NR6A1: variants seen among roughly 807,000 people sequenced by gnomAD.
NR6A1 encodes nuclear receptor subfamily 6 group A member 1.
NR6A1 carries 7 observed loss-of-function variants against 59.1 expected under a neutral mutation model. That is an observed-to-expected ratio of 0.12 (90% confidence interval 0.07 to 0.22). The LOEUF is 0.22. NR6A1 is among the 10% of genes least tolerant of loss of function. The pLI is 1.00. For synonymous variants in NR6A1, 243 were observed against 236.1 expected, an observed-to-expected ratio of 1.03 and a Z score of -0.27; for missense variants, 468 against 611.6, an observed-to-expected ratio of 0.77 and a Z score of 2.48.
At chr9:124,554,643 G>C in intron 2 of NR6A1, 73 bp from the exon 3 acceptor site, 1 of 1,587,124 alleles carries the variant, frequency 6.3e-7, no homozygotes, top group Non-Finnish European at 8.6e-7. Context: ...GAGCAACTCT[G>C]CTCTGGGTAG....
chr9:124,731,370 GAAAAAAA>G (rs779705280), intron 2 of NR6A1, among the ~76,000 whole-genome samples: 9 of 108,834 alleles, frequency 8.3e-5, no homozygotes, highest in African/African-American at 3.1e-4. Flanking sequence ...ACTCCATCTC[GAAAAAAA>G]AAAAAAAAGA....
At chr9:124,623,526 AT>A (rs60023969) in intron 2 of NR6A1, among the ~76,000 whole-genome samples, 17,060 of 139,308 alleles carry the variant, frequency 0.12, 2,467 homozygotes, top group African/African-American at 0.34. Context: ...TGCCTGGCTA[AT>A]TTTTTTTTTT....
Position 124,630,670 on chromosome 9 carries a change from CT to C in NR6A1, c.143-76101del, listed in dbSNP as rs71372980. 7.7e-3 allele frequency among the ~76,000 whole-genome samples: 456 copies of C among 59,480 alleles called. 1 individual carries two copies. Among genetic ancestry groups the C allele is most frequent in the African/African-American group, 0.03 (421 of 13,828 alleles). The allele number at this position is 59,480 out of a possible 152,430, so 39.0% of individuals were successfully genotyped here. A position where few individuals can be genotyped will look rare whatever the true frequency, so the allele number is the denominator to read the frequency against. On this transcript the variant is annotated intron_variant, in intron 2 of 9. Transcript: ENST00000487099. ...GACCCCTGGGCAAGTTACTACATTT[CT>C]TTTTTTTTTTTTTTTTTTTTTTTTG... is the stretch of plus-strand genomic sequence containing the variant.
intron 2 of NR6A1, among the ~76,000 whole-genome samples, chr9:124,707,654 T>C (rs1018222366): frequency 4.6e-5 from 7 of 152,154 alleles, no homozygotes; most frequent in Admixed American, 3.3e-4. Flanking sequence ...CTAAGGTTGG[T>C]GGTGATGATG....
intron 2 of NR6A1, among the ~76,000 whole-genome samples, chr9:124,666,602 T>TAC (rs1249757253): frequency 4.6e-5 from 7 of 152,202 alleles, no homozygotes; most frequent in Non-Finnish European, 1.0e-4. Context: ...CTAATACCAT[T>TAC]ACATTTTGTC....
At chr9:124,628,655 T>A (rs953563775) in intron 2 of NR6A1, among the ~76,000 whole-genome samples, 4 of 151,354 alleles carry the variant, frequency 2.6e-5, no homozygotes, top group Admixed American at 6.6e-5. Context: ...TTTTTTTTTT[T>A]AAAGAGATGG....
chr9:124,710,349 C>T (rs997519952), intron 2 of NR6A1, among the ~76,000 whole-genome samples: 4 of 152,130 alleles, frequency 2.6e-5, no homozygotes, highest in African/African-American at 4.8e-5. Context: ...AGTAATCCTA[C>T]CAACTGTATC....
chr9:124,724,207 C>A (rs1386269055), intron 2 of NR6A1, among the ~76,000 whole-genome samples: 1 of 151,712 alleles, frequency 6.6e-6, no homozygotes, highest in Non-Finnish European at 1.5e-5. Flanking sequence ...AGTATAGATT[C>A]CTAATTATGT....
intron 2 of NR6A1, among the ~76,000 whole-genome samples, chr9:124,651,788 AAAG>A (rs1210174760): frequency 2.6e-5 from 4 of 152,220 alleles, no homozygotes; most frequent in African/African-American, 9.6e-5. Flanking sequence ...TCTCTTTTGC[AAAG>A]AAAATATGCA....
intron 2 of NR6A1, among the ~76,000 whole-genome samples, chr9:124,585,566 G>A (rs1374013445): frequency 7.4e-6 from 1 of 135,408 alleles, no homozygotes; most frequent in East Asian, 2.4e-4. Context: ...AAAGGGGGGG[G>A]GGGGCAAGGT....
chr9:124,534,916 A>G (rs1833210667), intron 7 of NR6A1, among the ~76,000 whole-genome samples: 1 of 152,192 alleles, frequency 6.6e-6, no homozygotes, highest in Admixed American at 6.5e-5. Context: ...TGAGGTCGGG[A>G]GGCCGAGACT....
At chr9:124,651,169 G>T (rs145016937) in intron 2 of NR6A1, among the ~76,000 whole-genome samples, 3,559 of 152,150 alleles carry the variant, frequency 0.023, 108 homozygotes, top group East Asian at 0.097. Context: ...TGATCCCCCT[G>T]CCTCAGCCTC....
chr9:124,746,440 T>C lies in NR6A1; in HGVS notation c.101-13091A>G, dbSNP rs189043410. 2.9e-3 allele frequency among the ~76,000 whole-genome samples: 434 copies of C among 152,062 alleles called. 1 individual carries two copies. The highest frequency in any genetic ancestry group is 3.9e-3 in the Non-Finnish European group (267 of 67,976). On this transcript the variant is annotated intron_variant, in intron 1 of 9. Transcript: ENST00000487099. Reference sequence around the variant, plus strand: ...CCCATCTCTACTAAAAATACAAAACTTAGCTGGGCATGGTGGTGGGCACCT... The same window carrying C: ...CCCATCTCTACTAAAAATACAAAACCTAGCTGGGCATGGTGGTGGGCACCT...
intron 2 of NR6A1, among the ~76,000 whole-genome samples, chr9:124,605,024 G>A (rs1478338754): frequency 5.9e-5 from 9 of 152,056 alleles, no homozygotes; most frequent in Admixed American, 3.9e-4. Flanking sequence ...ATCAAACGCT[G>A]CTAACCATTA....
At chr9:124,628,950 GC>G (rs774480722) in intron 2 of NR6A1, among the ~76,000 whole-genome samples, 1 of 152,090 alleles carries the variant, frequency 6.6e-6, no homozygotes, top group Non-Finnish European at 1.5e-5. Context: ...GCGAGCCACC[GC>G]CCCCGGCCCT....
chr9:124,682,263 G>A lies in NR6A1; in HGVS notation c.142+51045C>T, dbSNP rs534382615. ...ATGATCCACCCACCTCGGCCTCCCAGAGTGCTGGGAATACAGGCATCAGCC... is the reference window on the plus strand; with the variant it reads ...ATGATCCACCCACCTCGGCCTCCCAAAGTGCTGGGAATACAGGCATCAGCC... On this transcript the variant is annotated intron_variant, in intron 2 of 9. Transcript: ENST00000487099. Among the ~76,000 whole-genome samples the A allele has an allele frequency of 6.0e-4, 91 of 152,160 alleles. 1 individual carries two copies. In the South Asian group the frequency reaches 0.018, roughly 31 times the overall value.
chr9:124,575,296 G>A (rs79152799), intron 2 of NR6A1, among the ~76,000 whole-genome samples: 3,688 of 152,242 alleles, frequency 0.024, 60 homozygotes, highest in Non-Finnish European at 0.036. Context: ...AGCTTTGGCC[G>A]GGCGCAGTGG....
At chr9:124,565,976 T>C (rs1468875545) in intron 2 of NR6A1, among the ~76,000 whole-genome samples, 2 of 152,214 alleles carry the variant, frequency 1.3e-5, no homozygotes, top group African/African-American at 2.4e-5. Flanking sequence ...ACAAAATGCA[T>C]ATACATGCCT....
chr9:124,597,682 G>A (rs1314193933), intron 2 of NR6A1, among the ~76,000 whole-genome samples: 1 of 152,134 alleles, frequency 6.6e-6, no homozygotes, highest in African/African-American at 2.4e-5. Context: ...ATAGCTTAAG[G>A]AGACAATTAA....
Sources: gnomAD v4.1 joint callset for allele counts (sites outside exome capture counted in the v4.1 genomes callset) on GRCh38, gnomAD v4.1.1 for gene constraint, MANE v1.5 for transcripts, NCBI Gene and HGNC (gene_info 2026-07-23, HGNC 2026-07-21) for gene names.